ELF2: variants seen among roughly 807,000 people sequenced by gnomAD.
ELF2 encodes the protein ETS-related transcription factor Elf-2.
A neutral mutation model predicts 54.8 loss-of-function variants in ELF2; 11 were observed. That is an observed-to-expected ratio of 0.20 (90% confidence interval 0.13 to 0.33). The LOEUF is 0.33. Ranked by LOEUF, ELF2 falls within the 10% of genes least tolerant of loss-of-function variation. ELF2 has a pLI of 1.00. For missense variants in ELF2, 513 were observed against 703.0 expected, an observed-to-expected ratio of 0.73 and a Z score of 3.06; for synonymous variants, 203 against 245.1, an observed-to-expected ratio of 0.83 and a Z score of 1.61.
At chr4:139,153,307 C>G (rs1273152876) in intron 1 of ELF2, among the ~76,000 whole-genome samples, 2 of 152,006 alleles carry the variant, frequency 1.3e-5, no homozygotes, top group Non-Finnish European at 2.9e-5. Context: ...CGGTGGCACA[C>G]GTCTGTAGTC....
intron 1 of ELF2, among the ~76,000 whole-genome samples, chr4:139,160,730 A>C (rs1002555188): frequency 6.6e-6 from 1 of 152,118 alleles, no homozygotes; most frequent in African/African-American, 2.4e-5. Flanking sequence ...TGGGAGGCCG[A>C]GGCGGGTGGA....
intron 4 of ELF2, among the ~76,000 whole-genome samples, chr4:139,109,471 C>T (rs188126456): frequency 6.6e-6 from 1 of 152,262 alleles, no homozygotes; most frequent in East Asian, 1.9e-4. Context: ...TGGTCCTGCT[C>T]TAAAGGTATA....
Position 139,125,327 on chromosome 4 carries a change from T to C in ELF2, c.75A>G (p.Glu25=), listed in dbSNP as rs1736808072. 2 of 1,602,954 alleles carry C rather than the reference T, an allele frequency of 1.2e-6. No individual in the cohort carries two copies. The highest frequency in any genetic ancestry group is 1.7e-6 in the Non-Finnish European group (2 of 1,177,550). The part of the protein sequence containing the change: ...LSSNGVENQE[E]SEKVSEYPAV... ...CTGGATATTCAGAAACCTTTTCACT[T>C]TCCTATAAGAGCAAATTTAAAGAAC... The change falls in exon 4 of 10, where the codon GAA becomes GAG. Residue 25 remains glutamate (E), a splice_region_variant and synonymous_variant. Coordinates refer to ENST00000686138, the MANE Select transcript of ELF2 (RefSeq NM_001331036.3).
chr4:139,121,299 G>A (rs1040312124), intron 4 of ELF2, among the ~76,000 whole-genome samples: 8 of 150,686 alleles, frequency 5.3e-5, no homozygotes, highest in South Asian at 4.2e-4. Flanking sequence ...TAGTAGAGAC[G>A]GGGTTTCACC....
chr4:139,084,234 C>A, intron 4 of ELF2: 1 of 1,611,226 alleles, frequency 6.2e-7, no homozygotes, highest in South Asian at 1.1e-5. Context: ...TGACTTACAC[C>A]GTGAGCAGCG....
At chr4:139,094,547 A>G (rs1263344412) in intron 4 of ELF2, among the ~76,000 whole-genome samples, 1 of 152,186 alleles carries the variant, frequency 6.6e-6, no homozygotes, top group Non-Finnish European at 1.5e-5. Flanking sequence ...GATATATACA[A>G]AGCAACATGC....
chr4:139,123,067 C>T (rs1488194048), intron 4 of ELF2, among the ~76,000 whole-genome samples: 1 of 151,292 alleles, frequency 6.6e-6, no homozygotes, highest in African/African-American at 2.4e-5. Context: ...ACCTGTAGTC[C>T]CAGCTACTGG....
intron 4 of ELF2, among the ~76,000 whole-genome samples, chr4:139,122,610 T>G (rs1015601563): frequency 7.9e-5 from 12 of 152,172 alleles, no homozygotes; most frequent in Middle Eastern, 3.4e-3. Context: ...CAAGCGAGTC[T>G]CCTGCCTCAG....
intron 4 of ELF2, among the ~76,000 whole-genome samples, chr4:139,099,143 G>C (rs1000852501): frequency 5.3e-5 from 8 of 152,042 alleles, no homozygotes; most frequent in African/African-American, 1.9e-4. Context: ...TTTTATTCAA[G>C]GGCCATCACA....
chr4:139,080,228 T>C (rs1377731378), intron 4 of ELF2, among the ~76,000 whole-genome samples: 1 of 152,238 alleles, frequency 6.6e-6, no homozygotes, highest in Non-Finnish European at 1.5e-5. Flanking sequence ...AGTTTTTACA[T>C]GAATTTTAGT....
intron 1 of ELF2, among the ~76,000 whole-genome samples, chr4:139,147,833 C>G (rs914072098): frequency 7.0e-6 from 1 of 143,552 alleles, no homozygotes. Flanking sequence ...GTTGCCCAGG[C>G]TGGAGTGCAA....
intron 6 of ELF2, among the ~76,000 whole-genome samples, chr4:139,071,365 T>C (rs1729487133): frequency 1.3e-5 from 2 of 152,076 alleles, no homozygotes; most frequent in African/African-American, 4.8e-5. Flanking sequence ...TCTTGCTATG[T>C]TGCCCAGGTT....
intron 4 of ELF2, among the ~76,000 whole-genome samples, chr4:139,092,738 T>C (rs1297539807): frequency 6.6e-6 from 1 of 151,536 alleles, no homozygotes; most frequent in African/African-American, 2.4e-5. Flanking sequence ...GAGGCGGAGC[T>C]TGCAGTGAGC....
chr4:139,177,370 G>T (rs1186353244), upstream of ELF2, among the ~76,000 whole-genome samples: 1 of 151,824 alleles, frequency 6.6e-6, no homozygotes, highest in Non-Finnish European at 1.5e-5. Context: ...CCACGCGGCG[G>T]GGGGGCGGGG....
chr4:139,083,072 G>C (rs147148082), intron 4 of ELF2, among the ~76,000 whole-genome samples: 2 of 152,048 alleles, frequency 1.3e-5, no homozygotes, highest in African/African-American at 2.4e-5. Flanking sequence ...CCCGCCCCCA[G>C]AAATCAACGT....
chr4:139,157,142 T>C (rs2148894340), intron 1 of ELF2, among the ~76,000 whole-genome samples: 1 of 152,342 alleles, frequency 6.6e-6, no homozygotes, highest in Admixed American at 6.5e-5. Flanking sequence ...TATGGCTTAT[T>C]GCTCCCAGTC....
In ELF2 at chr4:139,059,388, A is replaced by C. The variant is rs992494855; in HGVS notation, c.1377T>G (p.Ile459Met). Residue 459 changes from isoleucine to methionine, a missense_variant, in exon 10 of 10, where the codon ATT (isoleucine) becomes ATG (methionine). Physicochemically the swap from Ile to Met is conservative, Grantham distance 10. Around this residue, in one of 3 missense-constraint regions of ELF2, gnomAD observed 291 missense variants for 366.1 expected, o/e 0.79. Coordinates refer to ENST00000686138, the MANE Select transcript of ELF2 (RefSeq NM_001331036.3). Reference sequence around the variant, plus strand: ...CAAGCTGTGTAGCTGGGATGGTAATAATTTTGGCAGGCTGCATGGTGATTT... The same window carrying C: ...CAAGCTGTGTAGCTGGGATGGTAATCATTTTGGCAGGCTGCATGGTGATTT... The part of the protein sequence containing the change: ...GDKITMQPAK[I>M]ITIPATQLAQ... 1 of 1,613,826 alleles carries C rather than the reference A, an allele frequency of 6.2e-7. No individual in the cohort carries two copies.
intron 6 of ELF2, among the ~76,000 whole-genome samples, chr4:139,070,685 A>G (rs1437754676): frequency 6.6e-6 from 1 of 152,218 alleles, no homozygotes; most frequent in African/African-American, 2.4e-5. Context: ...AAATAAGGCT[A>G]TTTATATGTA....
At chr4:139,169,378 A>C (rs1482535032) in intron 1 of ELF2, among the ~76,000 whole-genome samples, 1 of 151,702 alleles carries the variant, frequency 6.6e-6, no homozygotes. Flanking sequence ...TATCACAAAA[A>C]AACTCATAAA....
Sources: allele counts gnomAD v4.1 joint callset (sites outside exome capture counted in the v4.1 genomes callset), GRCh38; gene constraint gnomAD v4.1.1; regional missense constraint gnomAD v4.1.1; transcripts MANE v1.5; gene names NCBI Gene and HGNC (gene_info 2026-07-23, HGNC 2026-07-21).